The following LIG3 variants were observed in gnomAD, a reference collection of about 807,000 sequenced individuals.
The protein encoded by LIG3 is DNA ligase 3, also known as ligase II, DNA, ATP-dependent.
Under a neutral mutation model 110.9 loss-of-function variants are expected in LIG3, and 58 were observed. The observed-to-expected ratio is 0.52, with a 90% CI of 0.42 to 0.65. The LOEUF is 0.65. Among genes scored for constraint, LIG3 ranks in the 30% least tolerant of loss-of-function variants. LIG3 has a pLI of 0.00. For synonymous variants in LIG3, 422 were observed against 472.8 expected (o/e 0.89, Z 1.39); for missense variants, 1,094 against 1,273.8 (o/e 0.86, Z 2.15).
intron 19 of LIG3, chr17:35,003,229 C>A: frequency 7.3e-7 from 1 of 1,374,618 alleles, no homozygotes; most frequent in Non-Finnish European, 9.7e-7. Flanking sequence ...CTTGGTGACT[C>A]TCCTCCCACC....
Position 34,991,844 on chromosome 17 carries a change from G to C in LIG3, c.1208+7G>C, listed in dbSNP as rs1484981407. 10 of 1,614,034 alleles carry C rather than the reference G, an allele frequency of 6.2e-6. No homozygotes were observed. In the Middle Eastern group the frequency reaches 6.6e-4, roughly 107 times the overall value. ...TACAGGACATTGCCTCCAGGTGGGG[G>C]AGCTGCCTCCGTCAAACCATGCCCA... On this transcript the variant is annotated splice_region_variant and intron_variant, in intron 6 of 19. Coordinates refer to ENST00000378526, the MANE Select transcript of LIG3 (RefSeq NM_013975.4).
At position 34,983,358 on chromosome 17, in the gene LIG3, G is replaced by T; in HGVS notation, c.353G>T (p.Arg118Leu). Residue 118 changes from arginine to leucine, a missense_variant, in exon 2 of 20, where the codon CGA (arginine) becomes CTA (leucine). Coordinates refer to ENST00000378526, the MANE Select transcript of LIG3 (RefSeq NM_013975.4). ...GAAAAGATTGTGAAGGGCGTATGCC[G>T]AATTGGCAAAGTGGTGCCCAATCCC... ...CKEKIVKGVC[R>L]IGKVVPNPFS... is the part of the protein sequence containing the mutation. 6.2e-7 allele frequency: 1 copy of T among 1,614,234 alleles called. No individual in the cohort carries two copies. Among genetic ancestry groups the T allele is most frequent in the Middle Eastern group, 1.6e-4 (1 of 6,062 alleles).
At chr17:35,003,264 T>A in intron 19 of LIG3, 1 of 1,119,446 alleles carries the variant, frequency 8.9e-7, no homozygotes, top group Non-Finnish European at 1.2e-6. Context: ...CCTGTTACAT[T>A]TTCTTGTCAG....
rs762420528 is a variant in LIG3, at chr17:34,990,943, A to AG, written c.890-17dup. On this transcript the variant is annotated intron_variant, in intron 4 of 19. Coordinates refer to ENST00000378526, the MANE Select transcript of LIG3 (RefSeq NM_013975.4). ...TTTGTTTAAGCTCTATTTCTCAAGA[A>AG]GGGTTCCTTCTGTCTCCAGATGGTT... is the stretch of plus-strand genomic sequence containing the variant. The AG allele has an allele frequency of 1.2e-6, 2 of 1,611,228 alleles. No homozygotes were observed. The highest frequency in any genetic ancestry group is 1.7e-6 in the Non-Finnish European group (2 of 1,178,248).
chr17:34,983,620 G>A, intron 2 of LIG3, 68 bp downstream of exon 2: 1 of 1,399,958 alleles, frequency 7.1e-7, no homozygotes, highest in Non-Finnish European at 9.6e-7. Context: ...GAGTTCAACT[G>A]CTTTCTTTCT....
At chr17:34,999,170 T>A in intron 14 of LIG3, 137 bp from the exon 15 acceptor site, 1 of 949,136 alleles carries the variant, frequency 1.1e-6, no homozygotes, top group Non-Finnish European at 1.6e-6. Context: ...AATTACACAG[T>A]TAGTAAGAGG....
At chr17:35,009,977 G>A (rs1202383792), downstream of LIG3, 1 of 152,640 alleles carries the variant, frequency 6.6e-6, no homozygotes, top group East Asian at 1.9e-4. Flanking sequence ...ATGTCTTCAT[G>A]AGCAAATCTG....
In LIG3 at chr17:34,983,261, T is replaced by C; in HGVS notation, c.256T>C (p.Cys86Arg). 1.2e-6 allele frequency: 2 copies of C among 1,614,258 alleles called. No homozygotes were observed. The highest frequency in any genetic ancestry group is 1.7e-6 in the Non-Finnish European group (2 of 1,180,036). The change falls in exon 2 of 20, where the codon TGT (cysteine) becomes CGT (arginine). Residue 86 changes from cysteine to arginine, a missense_variant. Cys to Arg is a radical substitution (Grantham distance 180). Coordinates refer to ENST00000378526, the MANE Select transcript of LIG3 (RefSeq NM_013975.4). ...GCATGTGGGACTCTGCAGTGGCCCC[T>C]GTGAGATGGCTGAGCAACGGTTCTG... Reference protein sequence around the residue: ...GLHVGLCSGPCEMAEQRFCVD... With the variant: ...GLHVGLCSGPREMAEQRFCVD...
chr17:34,996,924 A>C (rs1330315149), intron 11 of LIG3: 2 of 420,558 alleles, frequency 4.8e-6, no homozygotes, highest in Non-Finnish European at 8.6e-6. Flanking sequence ...AAGAAACCCA[A>C]ACCCCCAAAG....
At chr17:34,990,214 G>A (rs1436066868) in intron 4 of LIG3, among the ~76,000 whole-genome samples, 2 of 152,200 alleles carry the variant, frequency 1.3e-5, no homozygotes, top group East Asian at 3.8e-4. Flanking sequence ...GATATGCACA[G>A]GGTACTATAG....
rs114281449 is a variant in LIG3, at chr17:35,002,473, A to G, written c.2675-195A>G. On this transcript the variant is annotated intron_variant, in intron 18 of 19. Transcript: ENST00000378526. ...GCCCCTGACTTCAGGGAGCATTATC[A>G]GCAATCCCTACCCTCTTAGTTCTTT... Among the ~76,000 whole-genome samples, 453 of 152,298 alleles carry G rather than the reference A, an allele frequency of 3.0e-3. 2 individuals are homozygous for G. The highest frequency in any genetic ancestry group is 0.01 in the African/African-American group (430 of 41,572).
chr17:35,003,048 G>A (rs781282047), intron 19 of LIG3: 1 of 1,614,168 alleles, frequency 6.2e-7, no homozygotes, highest in Non-Finnish European at 8.5e-7. Context: ...GCAGGAGATA[G>A]AACAGCCCGG....
At chr17:34,996,438 G>A in intron 10 of LIG3, 136 bp from the exon 11 acceptor site, 1 of 840,566 alleles carries the variant, frequency 1.2e-6, no homozygotes, top group Non-Finnish European at 1.9e-6. Flanking sequence ...TGCCCTTATG[G>A]CCCAGGGGCT....
chr17:34,988,968 C>G (rs531787127), intron 3 of LIG3, among the ~76,000 whole-genome samples: 3 of 152,256 alleles, frequency 2.0e-5, no homozygotes, highest in African/African-American at 7.2e-5. Flanking sequence ...CTCATGCCAG[C>G]TTTTCTGGGA....
At position 35,009,212 on chromosome 17, in the gene LIG3, A is replaced by G. The variant is rs73284966; in HGVS notation, c.*4706A>G. 136 of 152,768 alleles carry G rather than the reference A, an allele frequency of 8.9e-4. No homozygotes were observed. Among genetic ancestry groups the G allele is most frequent in the African/African-American group, 3.1e-3 (130 of 41,576 alleles). The allele number at this position is 152,768 out of a possible 1,614,324, so 9.5% of individuals were successfully genotyped here. On this transcript the variant is annotated 3_prime_UTR_variant, in exon 20 of 20. Coordinates refer to ENST00000378526, the MANE Select transcript of LIG3 (RefSeq NM_013975.4). ...TTTAACCTCCAAGTAAGTCTGAGAA[A>G]ATCTTAATAAAAGCCACTTGAAGTA...
rs3136008 is a variant in LIG3 at position 34,998,159 on chromosome 17, C to CCACT, written c.1912-52_1912-49dup. ...ACTAGTGTGTGAAAAGGAACAACCC[C>CCACT]CACTCACTCACCACCTTCTCCACTC... On this transcript the variant is annotated intron_variant, in intron 12 of 19. Transcript: ENST00000378526. 1.1e-3 allele frequency: 1,379 copies of CCACT among 1,288,776 alleles called. 9 individuals are homozygous for CCACT. The African/African-American group carries it at 0.018, about 17-fold the overall frequency. 79.8% of individuals were successfully genotyped at this position (1,288,776 alleles called of 1,614,324 possible). A position where few individuals can be genotyped will look rare whatever the true frequency, so the allele number is the denominator to read the frequency against.
At chr17:34,982,458 A>G (rs1405747975) in intron 1 of LIG3, among the ~76,000 whole-genome samples, 2 of 152,108 alleles carry the variant, frequency 1.3e-5, no homozygotes, top group East Asian at 1.9e-4. Context: ...TAGCCTGACC[A>G]ACAAGAAGAA....
chr17:35,007,845 T>G lies in LIG3; in HGVS notation c.*3339T>G, dbSNP rs2090906392. On this transcript the variant is annotated 3_prime_UTR_variant, in exon 20 of 20. Transcript: ENST00000378526. ...TTCCCGGGTTCACAAGCAATTCTCA[T>G]GCCTCAGCCTCCCAAGTGGCTAAGA... 6.6e-6 allele frequency: 1 copy of G among 152,146 alleles called. No individual in the cohort carries two copies. Among genetic ancestry groups the G allele is most frequent in the Admixed American group, 6.5e-5 (1 of 15,268 alleles). The allele number at this position is 152,146 out of a possible 1,614,324, so 9.4% of individuals were successfully genotyped here.
rs1302729659 is a variant in LIG3, at chr17:35,008,172, C to G, written c.*3666C>G. The G allele has an allele frequency of 6.6e-6, 1 of 152,238 alleles. No homozygotes were observed. The highest frequency in any genetic ancestry group is 1.5e-5 in the Non-Finnish European group (1 of 68,046). The allele number at this position is 152,238 out of a possible 1,614,324, so 9.4% of individuals were successfully genotyped here. ...TCCTCAGATTTCAGTTCTTTAAGGC[C>G]CATCTCTTCTAGATCAGTGTAAATA... On this transcript the variant is annotated 3_prime_UTR_variant, in exon 20 of 20. Transcript: ENST00000378526.
Sources: allele counts gnomAD v4.1 joint callset (sites outside exome capture counted in the v4.1 genomes callset), GRCh38; gene constraint gnomAD v4.1.1; transcripts MANE v1.5; gene names NCBI Gene and HGNC (gene_info 2026-07-23, HGNC 2026-07-21).